The following LRRC7 variants were observed in gnomAD, a reference collection of about 807,000 sequenced individuals.
LRRC7 encodes leucine rich repeat containing 7.
A neutral mutation model predicts 175.7 loss-of-function variants in LRRC7; 23 were observed. The ratio of observed to expected loss-of-function variants is 0.13; its 90% CI spans 0.09 to 0.19. LRRC7 has a LOEUF of 0.19. LRRC7 is among the 10% of genes least tolerant of loss of function. The pLI is 1.00. For missense variants in LRRC7, 1,354 were observed against 1,904.7 expected, an observed-to-expected ratio of 0.71 and a Z score of 5.38; for synonymous variants, 685 against 680.9, an observed-to-expected ratio of 1.01 and a Z score of -0.09.
At chr1:70,114,886 G>A (rs561224591) in intron 26 of LRRC7, among the ~76,000 whole-genome samples, 68 of 152,182 alleles carry the variant, frequency 4.5e-4, no homozygotes, top group Admixed American at 3.3e-4. Context: ...AGTTTTTTAA[G>A]GTGACTCTAT....
intron 3 of LRRC7, among the ~76,000 whole-genome samples, chr1:69,788,917 A>C (rs1674800416): frequency 6.6e-6 from 1 of 152,210 alleles, no homozygotes; most frequent in African/African-American, 2.4e-5. Context: ...ATTAAAGTAT[A>C]AAGAATCTGG....
intron 8 of LRRC7, among the ~76,000 whole-genome samples, chr1:69,949,506 G>A (rs1649695298): frequency 6.6e-6 from 1 of 152,086 alleles, no homozygotes; most frequent in African/African-American, 2.4e-5. Context: ...GCAGTAAGTG[G>A]AGATTGCGTG....
intron 8 of LRRC7, among the ~76,000 whole-genome samples, chr1:69,979,682 C>T (rs1031938363): frequency 9.2e-5 from 14 of 152,058 alleles, no homozygotes; most frequent in East Asian, 7.7e-4. Flanking sequence ...GTAGGCATCC[C>T]CAACTATTCA....
At position 70,038,812 on chromosome 1, in the gene LRRC7, T is replaced by C; in HGVS notation, c.2988T>C (p.Tyr996=). The C allele has an allele frequency of 6.2e-7, 1 of 1,614,034 alleles. No homozygotes were observed. Among genetic ancestry groups the C allele is most frequent in the Non-Finnish European group, 8.5e-7 (1 of 1,179,998 alleles). Residue 996 remains tyrosine, a synonymous_variant, in exon 21 of 27, where the codon TAT becomes TAC. Transcript: ENST00000651989. ...QSIDEIDIGT[Y]KVYNIPLENY... ...TCGATGAGATTGACATTGGTACATA[T>C]AAGGTGTATAACATACCATTAGAAA...
intron 3 of LRRC7, among the ~76,000 whole-genome samples, chr1:69,782,149 G>C (rs1329982727): frequency 1.3e-5 from 2 of 152,102 alleles, no homozygotes; most frequent in Non-Finnish European, 2.9e-5. Flanking sequence ...TCAAAGTGTA[G>C]TTTAATCACT....
In LRRC7 at chr1:70,041,937, G is replaced by A. The variant is rs189591558; in HGVS notation, c.3970-2017G>A. Among the ~76,000 whole-genome samples, 222 of 152,284 alleles carry A rather than the reference G, an allele frequency of 1.5e-3. 1 individual carries two copies. The highest frequency in any genetic ancestry group is 2.1e-3 in the Non-Finnish European group (142 of 68,000). On this transcript the variant is annotated intron_variant, in intron 21 of 26. Transcript: ENST00000651989. ...CCCTGCCTATCCCAGATAACAAAAA[G>A]CAAACTCATGTATTTTTCATTGCTA...
intron 4 of LRRC7, among the ~76,000 whole-genome samples, chr1:69,819,012 A>G (rs950288403): frequency 6.6e-6 from 1 of 151,058 alleles, no homozygotes; most frequent in African/African-American, 2.5e-5. Flanking sequence ...AAGGCTTGTC[A>G]ATTTTATCTT....
chr1:69,804,482 T>G (rs1676888010), intron 4 of LRRC7, among the ~76,000 whole-genome samples: 1 of 151,534 alleles, frequency 6.6e-6, no homozygotes, highest in Admixed American at 6.6e-5. Flanking sequence ...TTTGATCTCT[T>G]ATGTTCAGTA....
intron 17 of LRRC7, among the ~76,000 whole-genome samples, chr1:70,026,205 G>T (rs1658080648): frequency 6.6e-6 from 1 of 152,020 alleles, no homozygotes; most frequent in Non-Finnish European, 1.5e-5. Context: ...TAGTTTTAGT[G>T]TTGGGGATTT....
Position 69,657,677 on chromosome 1 carries a change from G to C in LRRC7, c.3-20704G>C, listed in dbSNP as rs1656853925. 3.3e-5 allele frequency among the ~76,000 whole-genome samples: 5 copies of C among 151,866 alleles called. No individual in the cohort carries two copies. In the South Asian group the frequency reaches 1.0e-3, roughly 31 times the overall value. On this transcript the variant is annotated intron_variant, in intron 1 of 26. Coordinates refer to ENST00000651989, the MANE Select transcript of LRRC7 (RefSeq NM_001370785.2). ...GTAAGAAGAGATAAAAGCAGAGAAA[G>C]CATAGGAAGAAAGGAAAATTAACAA...
At chr1:69,708,826 A>G (rs1664382153) in intron 2 of LRRC7, among the ~76,000 whole-genome samples, 1 of 152,146 alleles carries the variant, frequency 6.6e-6, no homozygotes, top group Non-Finnish European at 1.5e-5. Context: ...GTGTGGCAGA[A>G]ATGGAACAAT....
chr1:70,016,267 T>A (rs1656955793), intron 13 of LRRC7, among the ~76,000 whole-genome samples, 198 bp from the exon 14 acceptor site: 1 of 152,200 alleles, frequency 6.6e-6, no homozygotes, highest in Non-Finnish European at 1.5e-5. Flanking sequence ...TTTTTTATTT[T>A]TATTCAGATA....
chr1:69,736,101 A>G (rs991313794), intron 2 of LRRC7, among the ~76,000 whole-genome samples: 2 of 152,114 alleles, frequency 1.3e-5, no homozygotes, highest in African/African-American at 2.4e-5. Context: ...ATGCTTTCCT[A>G]CAAGTCTAAT....
At chr1:69,915,312 T>C (rs1409753596) in intron 7 of LRRC7, among the ~76,000 whole-genome samples, 2 of 152,158 alleles carry the variant, frequency 1.3e-5, no homozygotes, top group East Asian at 3.9e-4. Flanking sequence ...ATGAGGATGA[T>C]CTAATCTAAT....
intron 7 of LRRC7, among the ~76,000 whole-genome samples, chr1:69,856,657 G>A (rs1044220429): frequency 6.6e-6 from 1 of 152,192 alleles, no homozygotes; most frequent in African/African-American, 2.4e-5. Context: ...GGACCAGACG[G>A]ATTCACAGCT....
intron 7 of LRRC7, among the ~76,000 whole-genome samples, chr1:69,887,947 G>A (rs1344709513): frequency 7.0e-6 from 1 of 142,866 alleles, no homozygotes; most frequent in African/African-American, 2.7e-5. Context: ...AGGGGTCAGG[G>A]ACCCACTTGA....
intron 10 of LRRC7, among the ~76,000 whole-genome samples, chr1:69,994,204 C>T (rs12034575): frequency 0.062 from 9,425 of 152,228 alleles, 281 homozygotes; most frequent in South Asian, 0.11. Flanking sequence ...TGCTTAGGAA[C>T]TAATTAAATA....
At chr1:69,906,284 T>C (rs897824466) in intron 7 of LRRC7, among the ~76,000 whole-genome samples, 1 of 152,226 alleles carries the variant, frequency 6.6e-6, no homozygotes, top group African/African-American at 2.4e-5. Flanking sequence ...TTTGTCAATT[T>C]TGGCTTTTGT....
chr1:70,031,841 C>G (rs1658764522), intron 18 of LRRC7, among the ~76,000 whole-genome samples: 1 of 151,442 alleles, frequency 6.6e-6, no homozygotes, highest in Admixed American at 6.6e-5. Flanking sequence ...GCTCTGTTGC[C>G]AGGCTGGAGT....
Sources: allele counts gnomAD v4.1 joint callset (sites outside exome capture counted in the v4.1 genomes callset), GRCh38; gene constraint gnomAD v4.1.1; transcripts MANE v1.5; gene names NCBI Gene and HGNC (gene_info 2026-07-23, HGNC 2026-07-21).